CFAP96: variants seen among roughly 807,000 people sequenced by gnomAD.
CFAP96 encodes cilia-and flagella-associated protein 96.
chr4:185,440,449 A>G, the CFAP96 span: 2 of 781,366 alleles, frequency 2.6e-6, no homozygotes, highest in Non-Finnish European at 4.0e-6. Context: ...TTTAAGAATC[A>G]TATTTATATT....
At chr4:185,425,958 G>T in the CFAP96 span, 24 of 1,489,950 alleles carry the variant, frequency 1.6e-5, no homozygotes, top group Non-Finnish European at 2.7e-6. Flanking sequence ...CGGCCCAGGG[G>T]CGGGGCCCGG....
chr4:185,420,445 C>T, the CFAP96 span, among the ~76,000 whole-genome samples: 2 of 151,988 alleles, frequency 1.3e-5, no homozygotes, highest in Non-Finnish European at 2.9e-5. Context: ...AATCCTAAGC[C>T]TATTTAACCT....
chr4:185,432,485 G>T, the CFAP96 span, among the ~76,000 whole-genome samples: 1 of 152,144 alleles, frequency 6.6e-6, no homozygotes, highest in Non-Finnish European at 1.5e-5. Flanking sequence ...CAAAAACCTT[G>T]CAAAGTCAGA....
chr4:185,408,865 C>T, the CFAP96 span, among the ~76,000 whole-genome samples: 94 of 152,290 alleles, frequency 6.2e-4, no homozygotes, highest in Non-Finnish European at 1.0e-3. Context: ...AGTCTACAAA[C>T]GGCCCACTCA....
At chr4:185,422,301 G>A in the CFAP96 span, among the ~76,000 whole-genome samples, 1 of 152,188 alleles carries the variant, frequency 6.6e-6, no homozygotes, top group South Asian at 2.1e-4. Context: ...GCACAGAGGT[G>A]CGCCATGGGC....
chr4:185,430,988 G>T, the CFAP96 span, among the ~76,000 whole-genome samples: 1 of 151,966 alleles, frequency 6.6e-6, no homozygotes, highest in African/African-American at 2.4e-5. Context: ...GAGGTGGGTG[G>T]ATCACAAGGT....
the CFAP96 span, among the ~76,000 whole-genome samples, chr4:185,428,240 T>C: frequency 6.6e-6 from 1 of 151,912 alleles, no homozygotes; most frequent in East Asian, 1.9e-4. Context: ...CTTAGCTCCT[T>C]GGGCCTCTTC....
the CFAP96 span, among the ~76,000 whole-genome samples, chr4:185,443,311 A>ATT: frequency 1.6e-4 from 10 of 62,568 alleles, no homozygotes; most frequent in Admixed American, 8.5e-4. Flanking sequence ...CAGAAATATT[A>ATT]TTTTTTATGT....
the CFAP96 span, chr4:185,415,334 G>C: frequency 6.3e-7 from 1 of 1,583,496 alleles, no homozygotes; most frequent in East Asian, 2.3e-5. Flanking sequence ...GCATCAACCA[G>C]GAGTTTACGA....
At chr4:185,408,619 G>A in the CFAP96 span, among the ~76,000 whole-genome samples, 1 of 152,156 alleles carries the variant, frequency 6.6e-6, no homozygotes, top group African/African-American at 2.4e-5. Flanking sequence ...GAGGTTCAAA[G>A]TCCTTACCAC....
chr4:185,445,316 C>T, the CFAP96 span: 1 of 714,898 alleles, frequency 1.4e-6, no homozygotes, highest in African/African-American at 1.8e-5. Flanking sequence ...CCCCCATCTT[C>T]TGAAATTCCC....
At chr4:185,445,028 CT>C in the CFAP96 span, 2 of 1,551,480 alleles carry the variant, frequency 1.3e-6, no homozygotes. Context: ...CCTTATGTGG[CT>C]AAATTGGCAA....
At chr4:185,415,923 G>C in the CFAP96 span, 1 of 1,397,266 alleles carries the variant, frequency 7.2e-7, no homozygotes, top group Non-Finnish European at 9.6e-7. Flanking sequence ...TAAATATAAA[G>C]AGTAAGTAAA....
the CFAP96 span, among the ~76,000 whole-genome samples, chr4:185,425,489 G>A: frequency 6.6e-6 from 1 of 152,134 alleles, no homozygotes; most frequent in Non-Finnish European, 1.5e-5. Flanking sequence ...AATGAGACAG[G>A]AGAGAAACCA....
the CFAP96 span, chr4:185,444,915 T>C: frequency 3.3e-6 from 5 of 1,506,756 alleles, no homozygotes; most frequent in Non-Finnish European, 4.5e-6. Flanking sequence ...GCTAATTTTG[T>C]AGAGGCATTT....
At chr4:185,419,542 C>T in the CFAP96 span, among the ~76,000 whole-genome samples, 1 of 152,238 alleles carries the variant, frequency 6.6e-6, no homozygotes, top group African/African-American at 2.4e-5. Flanking sequence ...TATGATCTCA[C>T]AGTTTTTATC....
the CFAP96 span, among the ~76,000 whole-genome samples, chr4:185,437,417 T>C: frequency 6.6e-6 from 1 of 152,228 alleles, no homozygotes; most frequent in African/African-American, 2.4e-5. Flanking sequence ...TAATGAAAAG[T>C]CAACTTAATT....
the CFAP96 span, among the ~76,000 whole-genome samples, chr4:185,411,987 G>C: frequency 3.9e-5 from 6 of 152,258 alleles, no homozygotes; most frequent in African/African-American, 9.6e-5. Context: ...AGGAAATGAT[G>C]AACACAAAAC....
At chr4:185,417,388 G>A in the CFAP96 span, among the ~76,000 whole-genome samples, 1 of 152,170 alleles carries the variant, frequency 6.6e-6, no homozygotes, top group East Asian at 1.9e-4. Context: ...ACATCTTACT[G>A]AGGTCTTAAA....
Sources: gnomAD v4.1 joint callset for allele counts (sites outside exome capture counted in the v4.1 genomes callset) on GRCh38, gnomAD v4.1.1 for gene constraint, MANE v1.5 for transcripts, NCBI Gene and HGNC (gene_info 2026-07-23, HGNC 2026-07-21) for gene names.